The following KIDINS220 variants were observed in gnomAD, a reference collection of about 807,000 sequenced individuals.
The protein encoded by KIDINS220 is kinase D interacting substrate 220, also known as kinase D-interacting substrate of 220 kDa.
In KIDINS220, 63 loss-of-function variants were observed where a neutral mutation model predicts 157.6. The ratio of observed to expected loss-of-function variants is 0.40; its 90% CI spans 0.33 to 0.49. The LOEUF (loss-of-function observed/expected upper bound fraction) is 0.49. Among genes scored for constraint, KIDINS220 ranks in the 20% least tolerant of loss-of-function variants. The pLI is 0.66. For synonymous variants in KIDINS220, 732 were observed against 783.6 expected, an observed-to-expected ratio of 0.93 and a Z score of 1.10; for missense variants, 1,772 against 2,171.2, an observed-to-expected ratio of 0.82 and a Z score of 3.65.
chr2:8,733,552 G>A lies in KIDINS220; in HGVS notation c.3945C>T (p.His1315=), dbSNP rs550566809. ...AGGGCGTCTGGCTGGAGAGCTCGGT[G>A]TGAGGCAGCTCGTTGTGGGAAGCGC... is the stretch of plus-strand genomic sequence containing the variant. ...ARRASHNELP[H]TELSSQTPYT... is the part of the protein sequence containing the mutation. The change falls in exon 29 of 30, where the codon CAC becomes CAT. Residue 1315 remains histidine (H), a synonymous_variant. Coordinates refer to ENST00000256707, the MANE Select transcript of KIDINS220 (RefSeq NM_020738.4). The A allele has an allele frequency of 1.1e-4, 180 of 1,614,138 alleles. 4 individuals are homozygous for A. The South Asian group carries it at 1.8e-3, about 16-fold the overall frequency.
At chr2:8,764,996 A>T (rs1216670092) in intron 22 of KIDINS220, among the ~76,000 whole-genome samples, 1 of 152,160 alleles carries the variant, frequency 6.6e-6, no homozygotes, top group African/African-American at 2.4e-5. Context: ...TACATAAAGG[A>T]CTCATCTAAT....
chr2:8,762,501 G>A (rs1466761954), intron 22 of KIDINS220, among the ~76,000 whole-genome samples: 1 of 152,172 alleles, frequency 6.6e-6, no homozygotes, highest in Non-Finnish European at 1.5e-5. Context: ...ACTTTGGGAG[G>A]CTGAGGCGGG....
intron 1 of KIDINS220, among the ~76,000 whole-genome samples, chr2:8,833,150 C>T (rs952214242): frequency 1.3e-5 from 2 of 152,192 alleles, no homozygotes; most frequent in Admixed American, 6.5e-5. Flanking sequence ...CAGCTTACTC[C>T]TTCTACCTAA....
chr2:8,729,120 G>A lies in KIDINS220; in HGVS notation c.*1600C>T, dbSNP rs1663685773. ...AAATAAGCACTATAAATGTTAAAAT[G>A]TTAAGACTTCAGTGTATAATGTCAA... On this transcript the variant is annotated 3_prime_UTR_variant, in exon 30 of 30. Transcript: ENST00000256707. 1 of 983,674 alleles carries A rather than the reference G, an allele frequency of 1.0e-6. No homozygotes were observed. Among genetic ancestry groups the A allele is most frequent in the African/African-American group, 1.7e-5 (1 of 57,158 alleles). 60.9% of individuals were successfully genotyped at this position (983,674 alleles called of 1,614,324 possible).
chr2:8,788,188 T>C (rs541046580), intron 15 of KIDINS220, among the ~76,000 whole-genome samples: 2 of 152,372 alleles, frequency 1.3e-5, no homozygotes, highest in East Asian at 3.9e-4. Flanking sequence ...CCCACGGTAT[T>C]TGACCAGGGC....
chr2:8,730,469 G>T lies in KIDINS220; in HGVS notation c.*251C>A. The T allele has an allele frequency of 7.7e-7, 1 of 1,296,970 alleles. No homozygotes were observed. The highest frequency in any genetic ancestry group is 3.0e-5 in the East Asian group (1 of 33,190). 80.3% of individuals were successfully genotyped at this position (1,296,970 alleles called of 1,614,324 possible). On this transcript the variant is annotated 3_prime_UTR_variant, in exon 30 of 30. Transcript: ENST00000256707. ...CTCAAAAAGTTTTATGGGGTAATGC[G>T]CCAATGAAAGGTACAGTAGTATTAG... is the stretch of plus-strand genomic sequence containing the variant.
Position 8,785,964 on chromosome 2 carries a change from C to A in KIDINS220, c.2006G>T (p.Cys669Phe), listed in dbSNP as rs983799714. The change falls in exon 17 of 30, where the codon TGC becomes TTC. Residue 669 changes from cysteine (C) to phenylalanine (F), a missense_variant. By Grantham distance (205) the Cys-to-Phe change is radical. This residue lies in a region of KIDINS220 where 725 missense variants were observed against 1,017.1 expected (regional missense o/e 0.71). Transcript: ENST00000256707. ...SFVIFLFIIG[C>F]IISGITLLAI... is the part of the protein sequence containing the mutation. The stretch of plus-strand genomic sequence containing the variant: ...CAGAAGAGTAATTCCAGATATAATG[C>A]AGCCAATGATAAAAAGGAAGATGAC... The A allele has an allele frequency of 9.9e-6, 16 of 1,613,004 alleles. No individual in the cohort carries two copies. The African/African-American group carries it at 2.1e-4, about 22-fold the overall frequency.
chr2:8,825,291 G>A (rs964918834), intron 2 of KIDINS220, among the ~76,000 whole-genome samples: 22 of 151,540 alleles, frequency 1.5e-4, no homozygotes, highest in African/African-American at 5.3e-4. Context: ...GAGAATCACT[G>A]GAAGGCAGGG....
intron 6 of KIDINS220, among the ~76,000 whole-genome samples, 168 bp from the exon 7 acceptor site, chr2:8,806,537 C>A (rs1326377667): frequency 6.6e-6 from 1 of 152,112 alleles, no homozygotes; most frequent in Non-Finnish European, 1.5e-5. Flanking sequence ...CATTTTATTT[C>A]TCCTGAGTAG....
chr2:8,745,785 C>A (rs1014267853), intron 26 of KIDINS220, among the ~76,000 whole-genome samples: 1 of 151,994 alleles, frequency 6.6e-6, no homozygotes, highest in East Asian at 1.9e-4. Context: ...AGCAAAAGAG[C>A]GAAACTCCGT....
rs767614503 is a variant in KIDINS220, at chr2:8,800,439, C to T, written c.861G>A (p.Ala287=). ...CTATATCAGCATATTTTTGGAGAAG[C>T]GCTCGAACAATTTCAACATGACCAC... The part of the protein sequence containing the change: ...VRGGHVEIVR[A]LLQKYADIDI... Residue 287 remains alanine, a synonymous_variant, in exon 9 of 30, where the codon GCG becomes GCA. Transcript: ENST00000256707. 3.1e-6 allele frequency: 5 copies of T among 1,613,256 alleles called. No individual in the cohort carries two copies. Among genetic ancestry groups the T allele is most frequent in the African/African-American group, 1.3e-5 (1 of 74,870 alleles).
chr2:8,737,129 A>G, intron 26 of KIDINS220, 130 bp from the exon 27 acceptor site: 1 of 885,268 alleles, frequency 1.1e-6, no homozygotes, highest in Non-Finnish European at 1.7e-6. Flanking sequence ...TATGTTTAGC[A>G]TGGTAAGGAA....
intron 17 of KIDINS220, among the ~76,000 whole-genome samples, chr2:8,780,520 CTGTGTG>C (rs34620607): frequency 3.9e-4 from 58 of 149,060 alleles, no homozygotes; most frequent in African/African-American, 7.1e-4. Context: ...GTGTGTGTGT[CTGTGTG>C]TGTGTGTGTG....
chr2:8,803,011 C>T lies in KIDINS220; in HGVS notation c.720G>A (p.Leu240=). 6.2e-7 allele frequency: 1 copy of T among 1,613,828 alleles called. No homozygotes were observed. Among genetic ancestry groups the T allele is most frequent in the Non-Finnish European group, 8.5e-7 (1 of 1,179,940 alleles). ...NLTDKDGNTA[L]MIASKEGHTE... is the part of the protein sequence containing the mutation. ...TATGTCCCTCCTTTGATGCAATCAT[C>T]AAAGCTGTATTTCCATCTTTATCTG... The change falls in exon 8 of 30, where the codon TTG becomes TTA. Residue 240 remains leucine, a synonymous_variant. Coordinates refer to ENST00000256707, the MANE Select transcript of KIDINS220 (RefSeq NM_020738.4).
chr2:8,785,128 T>C (rs1038862652), intron 17 of KIDINS220, among the ~76,000 whole-genome samples: 3 of 152,178 alleles, frequency 2.0e-5, no homozygotes, highest in East Asian at 3.8e-4. Context: ...TAAATGCATA[T>C]GACTACGTGA....
intron 17 of KIDINS220, among the ~76,000 whole-genome samples, chr2:8,781,153 A>ATATATATATTAT (rs70946383): frequency 7.7e-6 from 1 of 130,410 alleles, no homozygotes; most frequent in African/African-American, 2.8e-5. Context: ...ATATATATAT[A>ATATATATATTAT]ATATATATAT....
intron 21 of KIDINS220, among the ~76,000 whole-genome samples, chr2:8,771,880 C>A (rs1447740130): frequency 1.3e-5 from 2 of 151,952 alleles, no homozygotes; most frequent in Non-Finnish European, 2.9e-5. Context: ...TGGAGATATA[C>A]ACACAGTGCT....
chr2:8,807,633 C>G (rs971362510), intron 6 of KIDINS220, among the ~76,000 whole-genome samples: 2 of 152,170 alleles, frequency 1.3e-5, no homozygotes, highest in Non-Finnish European at 2.9e-5. Context: ...TCAGGCACCA[C>G]AGCAACCAAC....
intron 2 of KIDINS220, among the ~76,000 whole-genome samples, chr2:8,825,490 T>A (rs1417338392): frequency 6.6e-6 from 1 of 152,084 alleles, no homozygotes; most frequent in African/African-American, 2.4e-5. Flanking sequence ...TTTTATGTTA[T>A]GTGTTTATCA....
Sources: gnomAD v4.1 joint callset for allele counts (sites outside exome capture counted in the v4.1 genomes callset) on GRCh38, gnomAD v4.1.1 for gene constraint, gnomAD v4.1.1 regional missense constraint, MANE v1.5 for transcripts, NCBI Gene and HGNC (gene_info 2026-07-23, HGNC 2026-07-21) for gene names.